PDE4D: variants seen among roughly 807,000 people sequenced by gnomAD.
The protein encoded by PDE4D is phosphodiesterase 4D.
A neutral mutation model predicts 87.4 loss-of-function variants in PDE4D; 24 were observed. The observed-to-expected ratio is 0.27, with a 90% CI of 0.20 to 0.39. The LOEUF is 0.39. Among genes scored for constraint, PDE4D ranks in the 10% least tolerant of loss-of-function variants. The probability of loss-of-function intolerance (pLI) is 1.00; values close to 1 mark genes in which losing one functional copy is unlikely to be tolerated. For synonymous variants in PDE4D, 384 were observed against 383.2 expected, an observed-to-expected ratio of 1.00 and a Z score of -0.02; for missense variants, 714 against 1,041.0, an observed-to-expected ratio of 0.69 and a Z score of 4.32.
chr5:59,579,636 G>T (rs1583203636), intron 1 of PDE4D, among the ~76,000 whole-genome samples: 1 of 152,186 alleles, frequency 6.6e-6, no homozygotes, highest in Admixed American at 6.6e-5. Flanking sequence ...CAGGGCCAGA[G>T]ATAGGCAGTT....
chr5:60,452,399 G>T (rs956976421), intron 1 of PDE4D, among the ~76,000 whole-genome samples: 1 of 152,026 alleles, frequency 6.6e-6, no homozygotes, highest in Non-Finnish European at 1.5e-5. Flanking sequence ...AAATTAATCT[G>T]CAGGATATTA....
chr5:59,005,319 G>C (rs1211266791), intron 6 of PDE4D, among the ~76,000 whole-genome samples: 2 of 152,098 alleles, frequency 1.3e-5, no homozygotes, highest in African/African-American at 4.8e-5. Context: ...GGATGTGAAA[G>C]GATTTAACTT....
At chr5:59,251,796 A>T (rs765557864) in intron 1 of PDE4D, among the ~76,000 whole-genome samples, 2 of 152,294 alleles carry the variant, frequency 1.3e-5, no homozygotes, top group Middle Eastern at 3.4e-3. Context: ...TCAGTCACAG[A>T]TTAGACAAAG....
intron 1 of PDE4D, among the ~76,000 whole-genome samples, chr5:60,366,641 T>C (rs1260643532): frequency 6.6e-6 from 1 of 152,190 alleles, no homozygotes; most frequent in Non-Finnish European, 1.5e-5. Flanking sequence ...TATCCCTCCC[T>C]CTGGGCTGGC....
At chr5:59,672,339 C>T (rs1399397581) in intron 1 of PDE4D, among the ~76,000 whole-genome samples, 1 of 152,072 alleles carries the variant, frequency 6.6e-6, no homozygotes, top group Non-Finnish European at 1.5e-5. Flanking sequence ...AAGCATGTAC[C>T]TAATGATTCC....
rs535931435 is a variant in PDE4D, at chr5:59,437,651, T to C, written c.456-221683A>G. ...ACCCCAACCAGCCAGCCAGCATTAA[T>C]TGAGCATGTACTATGTATACACACA... On this transcript the variant is annotated intron_variant, in intron 1 of 14. Coordinates refer to ENST00000340635, the MANE Select transcript of PDE4D (RefSeq NM_001104631.2). Among the ~76,000 whole-genome samples the C allele has an allele frequency of 4.6e-5, 7 of 152,174 alleles. No homozygotes were observed. The South Asian group carries it at 1.0e-3, about 23-fold the overall frequency.
Position 59,332,429 on chromosome 5 carries a change from T to A in PDE4D, c.456-116461A>T, listed in dbSNP as rs116549563. ...CATGCTTGCCTAATGTTTTGCAAGA[T>A]CTGGCTTCAAGGCACTCTTAGATAA... On this transcript the variant is annotated intron_variant, in intron 1 of 14. Coordinates refer to ENST00000340635, the MANE Select transcript of PDE4D (RefSeq NM_001104631.2). Among the ~76,000 whole-genome samples, 1,172 of 152,286 alleles carry A rather than the reference T, an allele frequency of 7.7e-3. 20 individuals carry two copies. Among genetic ancestry groups the A allele is most frequent in the African/African-American group, 0.027 (1,126 of 41,562 alleles).
chr5:59,309,804 T>C (rs1339114903), intron 1 of PDE4D, among the ~76,000 whole-genome samples: 2 of 152,168 alleles, frequency 1.3e-5, no homozygotes, highest in East Asian at 3.9e-4. Flanking sequence ...GTCTCTTGGA[T>C]GTATTTTTTC....
intron 1 of PDE4D, among the ~76,000 whole-genome samples, chr5:59,421,621 A>G (rs1794491317): frequency 6.6e-6 from 1 of 152,278 alleles, no homozygotes; most frequent in Non-Finnish European, 1.5e-5. Context: ...GAAAAAGACC[A>G]GATGGTAAGA....
intron 1 of PDE4D, among the ~76,000 whole-genome samples, chr5:59,666,152 G>C (rs1032173588): frequency 6.6e-6 from 1 of 152,074 alleles, no homozygotes; most frequent in Non-Finnish European, 1.5e-5. Flanking sequence ...GTAGAGATGG[G>C]GTTTCGCCAT....
intron 1 of PDE4D, among the ~76,000 whole-genome samples, chr5:60,402,997 T>C (rs1246660935): frequency 1.3e-5 from 2 of 152,298 alleles, no homozygotes; most frequent in Middle Eastern, 6.8e-3. Context: ...AACCCACTTA[T>C]AAAACCAGAA....
chr5:60,059,243 C>T (rs530054480), intron 2 of PDE4D, among the ~76,000 whole-genome samples: 21 of 152,110 alleles, frequency 1.4e-4, no homozygotes, highest in Admixed American at 1.2e-3. Flanking sequence ...GATCTTTCCA[C>T]TTCCCAGTTT....
intron 2 of PDE4D, among the ~76,000 whole-genome samples, chr5:60,008,704 G>A (rs1481979881): frequency 1.3e-5 from 2 of 151,872 alleles, no homozygotes; most frequent in Non-Finnish European, 2.9e-5. Context: ...ATATTTGGGG[G>A]AAATAATGTC....
At chr5:59,642,350 T>C (rs987712501) in intron 1 of PDE4D, among the ~76,000 whole-genome samples, 2 of 152,326 alleles carry the variant, frequency 1.3e-5, no homozygotes, top group East Asian at 1.9e-4. Flanking sequence ...TAAACTTATA[T>C]AGTTTTCTAT....
intron 1 of PDE4D, among the ~76,000 whole-genome samples, chr5:60,438,792 C>A (rs1287072423): frequency 6.6e-6 from 1 of 151,954 alleles, no homozygotes; most frequent in Non-Finnish European, 1.5e-5. Flanking sequence ...ACAAAAGAAA[C>A]ATGAATTAAA....
intron 2 of PDE4D, among the ~76,000 whole-genome samples, chr5:60,178,552 T>C (rs1295512128): frequency 2.6e-5 from 4 of 151,946 alleles, no homozygotes; most frequent in Admixed American, 6.6e-5. Context: ...TTCTGAGCAA[T>C]GTCTAGGTCT....
In PDE4D at chr5:59,517,849, A is replaced by C. The variant is rs181903156; in HGVS notation, c.456-301881T>G. Reference sequence around the variant, plus strand: ...TGTAATGGTCATTACAGGCAATCTAAGTTGCTTTTGCTCTTGACAGTATTT... The same window carrying C: ...TGTAATGGTCATTACAGGCAATCTACGTTGCTTTTGCTCTTGACAGTATTT... On this transcript the variant is annotated intron_variant, in intron 1 of 14. Coordinates refer to ENST00000340635, the MANE Select transcript of PDE4D (RefSeq NM_001104631.2). 1.4e-3 allele frequency among the ~76,000 whole-genome samples: 218 copies of C among 152,342 alleles called. 4 individuals carry two copies. Among genetic ancestry groups the C allele is most frequent in the African/African-American group, 4.9e-3 (205 of 41,578 alleles).
At chr5:59,849,125 A>G (rs780071996) in intron 1 of PDE4D, among the ~76,000 whole-genome samples, 1 of 152,050 alleles carries the variant, frequency 6.6e-6, no homozygotes, top group Non-Finnish European at 1.5e-5. Flanking sequence ...TATTAAATTC[A>G]TGTCTTTTTG....
chr5:59,747,300 T>C (rs2150705392), intron 1 of PDE4D, among the ~76,000 whole-genome samples: 1 of 152,298 alleles, frequency 6.6e-6, no homozygotes, highest in South Asian at 2.1e-4. Flanking sequence ...TTATGTCCCC[T>C]TTTCCTTAGT....
Sources: gnomAD v4.1 joint callset for allele counts (sites outside exome capture counted in the v4.1 genomes callset) on GRCh38, gnomAD v4.1.1 for gene constraint, MANE v1.5 for transcripts, NCBI Gene and HGNC (gene_info 2026-07-23, HGNC 2026-07-21) for gene names.